Variants in SYT16 observed in about 807,000 individuals in gnomAD.
The protein encoded by SYT16 is synaptotagmin-16.
A neutral mutation model predicts 61.4 loss-of-function variants in SYT16; 42 were observed. That is an observed-to-expected ratio of 0.68 (90% CI 0.53 to 0.89). The LOEUF (loss-of-function observed/expected upper bound fraction) is 0.89, where lower values mean the gene tolerates loss of function less well. Among genes scored for constraint, SYT16 ranks in the 40% least tolerant of loss-of-function variants. The pLI is 0.00. For synonymous variants in SYT16, 314 were observed against 302.3 expected, an observed-to-expected ratio of 1.04 and a Z score of -0.40; for missense variants, 804 against 807.3, an observed-to-expected ratio of 1.00 and a Z score of 0.05.
chr14:61,983,472 G>C (rs1364007563), intron 2 of SYT16, among the ~76,000 whole-genome samples: 5 of 152,194 alleles, frequency 3.3e-5, no homozygotes, highest in African/African-American at 1.2e-4. Flanking sequence ...TTCTACTCTG[G>C]ATCTCCTAAA....
At chr14:61,917,242 A>G (rs217639) in intron 1 of SYT16, among the ~76,000 whole-genome samples, 74,034 of 151,930 alleles carry the variant, frequency 0.49, 19,650 homozygotes, top group African/African-American at 0.7. Flanking sequence ...ATGGATGTCT[A>G]TTGCCTTGTT....
intron 2 of SYT16, among the ~76,000 whole-genome samples, chr14:61,970,715 G>A (rs1033497908): frequency 2.6e-5 from 4 of 152,164 alleles, no homozygotes; most frequent in Non-Finnish European, 5.9e-5. Context: ...AGCTCACTGA[G>A]TATACCATGT....
At chr14:62,010,852 G>A (rs12589724) in intron 3 of SYT16, among the ~76,000 whole-genome samples, 85,704 of 151,820 alleles carry the variant, frequency 0.56, 25,197 homozygotes, top group African/African-American at 0.72. Flanking sequence ...GGGACTACTT[G>A]GTTTTTATTC....
At chr14:61,858,659 A>G (rs930228245) in intron 1 of SYT16, among the ~76,000 whole-genome samples, 11 of 152,182 alleles carry the variant, frequency 7.2e-5, no homozygotes, top group Admixed American at 6.5e-4. Context: ...AAAAATTAGT[A>G]CGTGAACTTG....
At chr14:62,057,797 G>A (rs978163865) in intron 3 of SYT16, among the ~76,000 whole-genome samples, 1 of 152,136 alleles carries the variant, frequency 6.6e-6, no homozygotes, top group Non-Finnish European at 1.5e-5. Flanking sequence ...CACACTTGAA[G>A]TACAATAAAC....
chr14:62,012,560 A>G (rs990338344), intron 3 of SYT16, among the ~76,000 whole-genome samples: 1 of 152,214 alleles, frequency 6.6e-6, no homozygotes, highest in Admixed American at 6.5e-5. Flanking sequence ...GAGGGGCACC[A>G]AAGGCATGGA....
intron 1 of SYT16, among the ~76,000 whole-genome samples, chr14:61,844,732 C>A (rs944219882): frequency 6.6e-6 from 1 of 152,144 alleles, no homozygotes; most frequent in African/African-American, 2.4e-5. Flanking sequence ...AGGAATAAAT[C>A]CCACTTGGTT....
chr14:61,881,404 T>C (rs1342449093), intron 1 of SYT16, among the ~76,000 whole-genome samples: 2 of 152,246 alleles, frequency 1.3e-5, no homozygotes, highest in Non-Finnish European at 2.9e-5. Flanking sequence ...CTGGCTTCCG[T>C]TTTGGTATTC....
At chr14:62,020,839 T>C (rs1199412256) in intron 3 of SYT16, among the ~76,000 whole-genome samples, 2 of 152,194 alleles carry the variant, frequency 1.3e-5, no homozygotes, top group East Asian at 3.9e-4. Context: ...GCAGTGACCA[T>C]GGGCATGATC....
chr14:62,018,368 C>T (rs1289438395), intron 3 of SYT16, among the ~76,000 whole-genome samples: 1 of 132,554 alleles, frequency 7.5e-6, no homozygotes, highest in Non-Finnish European at 1.6e-5. Flanking sequence ...AGTGCAATGG[C>T]ACGATCTCAG....
intron 1 of SYT16, among the ~76,000 whole-genome samples, chr14:61,838,107 C>T (rs1374072283): frequency 6.6e-6 from 1 of 152,190 alleles, no homozygotes; most frequent in Non-Finnish European, 1.5e-5. Context: ...AGATACTGTA[C>T]TTTTCCTGGG....
chr14:61,978,548 A>T (rs2051918069), intron 2 of SYT16, among the ~76,000 whole-genome samples: 1 of 152,244 alleles, frequency 6.6e-6, no homozygotes, highest in African/African-American at 2.4e-5. Flanking sequence ...TTACATCACA[A>T]CAGGGAGTGG....
rs148251386 is a variant in SYT16, at chr14:62,041,094, G to C, written c.524-28509G>C. Reference sequence around the variant, plus strand: ...TGAGGGCAGGAAGCATCCGGCATGGGAGAAAGATGTAGTCTGGGAGGCTAG... The same window carrying C: ...TGAGGGCAGGAAGCATCCGGCATGGCAGAAAGATGTAGTCTGGGAGGCTAG... On this transcript the variant is annotated intron_variant, in intron 3 of 7. Coordinates refer to ENST00000683842, the MANE Select transcript of SYT16 (RefSeq NM_001367656.1). Among the ~76,000 whole-genome samples the C allele has an allele frequency of 6.9e-3, 1,051 of 152,258 alleles. 14 individuals carry two copies. The highest frequency in any genetic ancestry group is 0.024 in the African/African-American group (1,006 of 41,532).
At chr14:61,923,395 G>C (rs2049414581) in intron 1 of SYT16, among the ~76,000 whole-genome samples, 1 of 152,098 alleles carries the variant, frequency 6.6e-6, no homozygotes, top group African/African-American at 2.4e-5. Flanking sequence ...CAGCCATGTG[G>C]CTTGACTTGC....
chr14:61,866,006 A>G (rs906168673), intron 1 of SYT16, among the ~76,000 whole-genome samples: 15 of 152,218 alleles, frequency 9.9e-5, no homozygotes, highest in Non-Finnish European at 1.5e-4. Context: ...TTCAGATGAT[A>G]GAATACATCC....
At chr14:62,043,468 T>C (rs1207750215) in intron 3 of SYT16, among the ~76,000 whole-genome samples, 2 of 147,466 alleles carry the variant, frequency 1.4e-5, no homozygotes, top group Non-Finnish European at 3.0e-5. Context: ...AGTGCAGTGG[T>C]GTGATCTCAG....
intron 1 of SYT16, among the ~76,000 whole-genome samples, chr14:61,832,734 G>GGCCCA (rs1036814785): frequency 1.3e-5 from 2 of 152,014 alleles, no homozygotes; most frequent in African/African-American, 4.8e-5. Context: ...CACCGTGCCC[G>GGCCCA]GCCCAGCCCA....
At chr14:61,981,603 T>A (rs931215926) in intron 2 of SYT16, among the ~76,000 whole-genome samples, 4 of 152,202 alleles carry the variant, frequency 2.6e-5, no homozygotes, top group Admixed American at 2.6e-4. Context: ...CAGAGAACAT[T>A]CCTTTAAAAT....
At chr14:61,855,443 T>C (rs1466081781) in intron 1 of SYT16, among the ~76,000 whole-genome samples, 2 of 152,206 alleles carry the variant, frequency 1.3e-5, no homozygotes, top group East Asian at 3.8e-4. Context: ...TTTAATATGC[T>C]CACAACACTT....
Sources: gnomAD v4.1 joint callset for allele counts (sites outside exome capture counted in the v4.1 genomes callset) on GRCh38, gnomAD v4.1.1 for gene constraint, MANE v1.5 for transcripts, NCBI Gene and HGNC (gene_info 2026-07-23, HGNC 2026-07-21) for gene names.